DOP1A: variants seen among roughly 807,000 people sequenced by gnomAD.
DOP1A encodes the protein DOP1 leucine zipper like protein A.
A neutral mutation model predicts 267.6 loss-of-function variants in DOP1A; 90 were observed. The observed-to-expected ratio is 0.34, with a 90% confidence interval of 0.28 to 0.40. The LOEUF (loss-of-function observed/expected upper bound fraction) is 0.40. DOP1A is among the 10% of genes least tolerant of loss of function. The probability of loss-of-function intolerance (pLI) is 1.00; values close to 1 mark genes in which losing one functional copy is unlikely to be tolerated. For missense variants in DOP1A, 2,437 were observed against 2,900.4 expected, an observed-to-expected ratio of 0.84 and a Z score of 3.67; for synonymous variants, 932 against 999.1, an observed-to-expected ratio of 0.93 and a Z score of 1.27.
intron 1 of DOP1A, among the ~76,000 whole-genome samples, chr6:83,074,042 T>C (rs560897072): frequency 2.0e-5 from 3 of 152,336 alleles, no homozygotes; most frequent in South Asian, 4.1e-4. Flanking sequence ...GTGAGGATCA[T>C]TGAAACCCAT....
At chr6:83,136,633 G>A (rs1230130016) in intron 20 of DOP1A, among the ~76,000 whole-genome samples, 3 of 152,110 alleles carry the variant, frequency 2.0e-5, no homozygotes, top group Admixed American at 6.6e-5. Flanking sequence ...TGTTTCTACA[G>A]AGTCTTGGTT....
intron 12 of DOP1A, among the ~76,000 whole-genome samples, chr6:83,123,681 G>A (rs1462008273): frequency 6.6e-6 from 1 of 152,114 alleles, no homozygotes; most frequent in Non-Finnish European, 1.5e-5. Flanking sequence ...TGAGCACCCA[G>A]TTAAAAAGCA....
chr6:83,170,595 C>G, downstream of DOP1A: 1 of 801,720 alleles, frequency 1.2e-6, no homozygotes, highest in Non-Finnish European at 2.0e-6. Flanking sequence ...ATTAAAACTT[C>G]TTTCTCCAAG....
intron 1 of DOP1A, among the ~76,000 whole-genome samples, chr6:83,072,099 A>G (rs750402648): frequency 5.2e-4 from 79 of 152,134 alleles, no homozygotes; most frequent in Non-Finnish European, 9.3e-4. Flanking sequence ...TCCTGAGATG[A>G]CACCTTCTAC....
chr6:83,153,396 T>C, intron 30 of DOP1A, 115 bp from the exon 31 acceptor site: 1 of 573,026 alleles, frequency 1.7e-6, no homozygotes, highest in Non-Finnish European at 2.9e-6. Flanking sequence ...AAGATTTAAT[T>C]TTAGATTTTT....
Position 83,129,041 on chromosome 6 carries a change from G to C in DOP1A, c.1874G>C (p.Gly625Ala). 2 of 1,613,878 alleles carry C rather than the reference G, an allele frequency of 1.2e-6. No homozygotes were observed. The highest frequency in any genetic ancestry group is 1.7e-6 in the Non-Finnish European group (2 of 1,179,910). ...DIDRELSEGQ[G>A]AAAIPIGSTS... ...GACAGAGAACTGAGTGAGGGCCAGG[G>C]GGCAGCTGCCATCCCAATTGGTAGC... The change falls in exon 16 of 39, where the codon GGG becomes GCG. Residue 625 changes from glycine to alanine, a missense_variant. Physicochemically the swap from Gly to Ala is moderately conservative, Grantham distance 60. Coordinates refer to ENST00000349129, the MANE Select transcript of DOP1A (RefSeq NM_015018.4).
At chr6:83,087,237 CAGTATT>C (rs1769442850) in intron 1 of DOP1A, among the ~76,000 whole-genome samples, 1 of 152,040 alleles carries the variant, frequency 6.6e-6, no homozygotes, top group Non-Finnish European at 1.5e-5. Context: ...GGAGGGAAGA[CAGTATT>C]AGGATTTTGA....
intron 6 of DOP1A, among the ~76,000 whole-genome samples, chr6:83,110,896 T>C (rs2128178212): frequency 6.6e-6 from 1 of 152,282 alleles, no homozygotes; most frequent in East Asian, 1.9e-4. Context: ...AATTAGCCCT[T>C]CTTACATTGT....
chr6:83,138,879 G>A lies in DOP1A; in HGVS notation c.4837G>A (p.Asp1613Asn), dbSNP rs1779211921. ...AACAGGTTTTGATTTTGTTGTATCT[G>A]ACTTAGAACACATCAGTCCCCATCA... ...NETGFDFVVSDLEHISPHQPM... is the reference protein window; with the variant it reads ...NETGFDFVVSNLEHISPHQPM... The change falls in exon 21 of 39, where the codon GAC (aspartate) becomes AAC (asparagine). Residue 1613 changes from aspartate (D) to asparagine (N), a missense_variant. This residue lies in a region of DOP1A where 878 missense variants were observed against 992.9 expected (regional missense o/e 0.88). Transcript: ENST00000349129. 6.2e-7 allele frequency: 1 copy of A among 1,613,972 alleles called. No individual in the cohort carries two copies. Among genetic ancestry groups the A allele is most frequent in the Non-Finnish European group, 8.5e-7 (1 of 1,179,936 alleles).
chr6:83,096,103 G>A (rs181091760), intron 1 of DOP1A, among the ~76,000 whole-genome samples: 43 of 152,054 alleles, frequency 2.8e-4, no homozygotes, highest in Non-Finnish European at 5.0e-4. Context: ...AAGAATTTGT[G>A]GATTTGTTTT....
At chr6:83,164,461 G>A (rs184437272) in intron 38 of DOP1A, among the ~76,000 whole-genome samples, 225 of 152,078 alleles carry the variant, frequency 1.5e-3, no homozygotes, top group Non-Finnish European at 2.8e-3. Flanking sequence ...CATTAGTAAT[G>A]AGAATTTTTA....
intron 33 of DOP1A, among the ~76,000 whole-genome samples, chr6:83,155,216 C>CTT (rs1282368383): frequency 6.6e-6 from 1 of 150,776 alleles, no homozygotes; most frequent in African/African-American, 2.4e-5. Flanking sequence ...AATCCTAGCA[C>CTT]TTTGACAGGC....
chr6:83,161,730 G>A (rs1784280521), intron 37 of DOP1A, among the ~76,000 whole-genome samples: 1 of 152,120 alleles, frequency 6.6e-6, no homozygotes, highest in Non-Finnish European at 1.5e-5. Flanking sequence ...ATTCTTGTTG[G>A]AAGTATACAC....
At chr6:83,120,176 C>G (rs1314646625) in intron 9 of DOP1A, among the ~76,000 whole-genome samples, 1 of 151,880 alleles carries the variant, frequency 6.6e-6, no homozygotes, top group Admixed American at 6.6e-5. Context: ...TGTGCTATTT[C>G]CTGTGAAGCT....
intron 17 of DOP1A, among the ~76,000 whole-genome samples, chr6:83,131,163 A>G (rs1222961075): frequency 6.6e-6 from 1 of 152,156 alleles, no homozygotes; most frequent in Non-Finnish European, 1.5e-5. Context: ...TCAGTCTTTG[A>G]TTTCTACCAC....
chr6:83,166,381 G>C lies in DOP1A; in HGVS notation c.7093-1481G>C, dbSNP rs543468069. 108 of 700,596 alleles carry C rather than the reference G, an allele frequency of 1.5e-4. 1 individual carries two copies. The highest frequency in any genetic ancestry group is 1.5e-3 in the African/African-American group (86 of 57,282). 43.4% of individuals were successfully genotyped at this position (700,596 alleles called of 1,614,324 possible). A position where few individuals can be genotyped will look rare whatever the true frequency, so the allele number is the denominator to read the frequency against. On this transcript the variant is annotated intron_variant, in intron 38 of 38. Transcript: ENST00000349129. ...TCTAGTCTCCTTTGCAAAACTTCTTGAGCCATCACGGCACTGTATGTTCAT... is the reference window on the plus strand; with the variant it reads ...TCTAGTCTCCTTTGCAAAACTTCTTCAGCCATCACGGCACTGTATGTTCAT...
chr6:83,160,946 CCTTT>C (rs1784100492), intron 37 of DOP1A, among the ~76,000 whole-genome samples: 1 of 151,734 alleles, frequency 6.6e-6, no homozygotes, highest in African/African-American at 2.4e-5. Context: ...CATTCTAGTT[CCTTT>C]AATTTTCTCT....
chr6:83,159,650 C>T lies in DOP1A; in HGVS notation c.6798-146C>T, dbSNP rs1020562397. On this transcript the variant is annotated intron_variant, in intron 36 of 38. Coordinates refer to ENST00000349129, the MANE Select transcript of DOP1A (RefSeq NM_015018.4). ...TGAATTTTTGATTTGAAAACAGTGACATTTCATCATGACCTTGCTTAGCAA... is the reference window on the plus strand; with the variant it reads ...TGAATTTTTGATTTGAAAACAGTGATATTTCATCATGACCTTGCTTAGCAA... The T allele has an allele frequency of 8.1e-6, 7 of 865,398 alleles. No individual in the cohort carries two copies. The Admixed American group carries it at 9.7e-5, about 12-fold the overall frequency. 53.6% of individuals were successfully genotyped at this position (865,398 alleles called of 1,614,324 possible).
intron 9 of DOP1A, 105 bp downstream of exon 9, chr6:83,119,962 G>A: frequency 9.8e-6 from 8 of 815,092 alleles, no homozygotes; most frequent in South Asian, 4.2e-5. Context: ...TTGAAGGGGT[G>A]GAGACAAGAC....
Sources: allele counts gnomAD v4.1 joint callset (sites outside exome capture counted in the v4.1 genomes callset), GRCh38; gene constraint gnomAD v4.1.1; regional missense constraint gnomAD v4.1.1; transcripts MANE v1.5; gene names NCBI Gene and HGNC (gene_info 2026-07-23, HGNC 2026-07-21).